CTXND1: variants seen among roughly 807,000 people sequenced by gnomAD.
CTXND1 encodes cortexin domain-containing 1 protein.
chr15:80,229,201 A>C (rs1893403144), intron 1 of CTXND1, among the ~76,000 whole-genome samples: 1 of 151,670 alleles, frequency 6.6e-6, no homozygotes, highest in South Asian at 2.1e-4. Flanking sequence ...CTTTCCCACA[A>C]CCCTCCCGCC....
intron 1 of CTXND1, among the ~76,000 whole-genome samples, chr15:80,249,976 T>G (rs549169805): frequency 2.0e-5 from 3 of 152,232 alleles, no homozygotes; most frequent in African/African-American, 7.2e-5. Flanking sequence ...AGCATTAACC[T>G]CAGTCTAGGA....
chr15:80,222,824 T>A (rs1050089297), intron 1 of CTXND1, among the ~76,000 whole-genome samples: 2 of 149,388 alleles, frequency 1.3e-5, no homozygotes. Context: ...CTTGAGTGTG[T>A]TTTTCTTTTA....
At position 80,201,521 on chromosome 15, in the gene CTXND1, C is replaced by G. The variant is rs1383331024; in HGVS notation, c.*249G>C. 1 of 355,000 alleles carries G rather than the reference C, an allele frequency of 2.8e-6. No homozygotes were observed. The highest frequency in any genetic ancestry group is 2.1e-5 in the African/African-American group (1 of 47,848). The allele number at this position is 355,000 out of a possible 1,614,324, so 22.0% of individuals were successfully genotyped here. On this transcript the variant is annotated 3_prime_UTR_variant, in exon 3 of 3. Coordinates refer to ENST00000560778, the MANE Select transcript of CTXND1 (RefSeq NM_001352888.2). ...GGGACTCCCCACACTGGAACCCCAG[C>G]CTCCTGGGTCCTGGTCCAGGGCTCT...
At chr15:80,202,813 T>G (rs1181279391) in intron 2 of CTXND1, among the ~76,000 whole-genome samples, 1 of 151,862 alleles carries the variant, frequency 6.6e-6, no homozygotes, top group African/African-American at 2.4e-5. Context: ...CTGAAAACTG[T>G]AAGTGTTATG....
intron 1 of CTXND1, among the ~76,000 whole-genome samples, chr15:80,204,647 G>GTATATATATATATATTTATATATATATA (rs1893127813): frequency 7.6e-6 from 1 of 131,342 alleles, no homozygotes; most frequent in African/African-American, 2.9e-5. Context: ...ATATTCCATT[G>GTATATATATATATATTTATATATATATA]TATATATATA....
chr15:80,229,839 A>T (rs1302724662), intron 1 of CTXND1, among the ~76,000 whole-genome samples: 2 of 152,176 alleles, frequency 1.3e-5, no homozygotes. Context: ...TGGAGTTCTT[A>T]AAAAATCCCT....
intron 1 of CTXND1, among the ~76,000 whole-genome samples, chr15:80,219,091 C>A (rs2142128916): frequency 6.7e-6 from 1 of 149,728 alleles, no homozygotes; most frequent in Admixed American, 6.7e-5. Context: ...ACTACCACTC[C>A]CAGCTAATTT....
At chr15:80,231,604 G>C (rs1003096332) in intron 1 of CTXND1, among the ~76,000 whole-genome samples, 1 of 152,026 alleles carries the variant, frequency 6.6e-6, no homozygotes, top group African/African-American at 2.4e-5. Context: ...GGCTTGCAAG[G>C]CTATTATTCT....
chr15:80,213,126 T>C (rs1054058744), intron 1 of CTXND1, among the ~76,000 whole-genome samples: 1 of 152,252 alleles, frequency 6.6e-6, no homozygotes, highest in Non-Finnish European at 1.5e-5. Context: ...ATAACTTGTC[T>C]TCCAGGTCCA....
Position 80,210,347 on chromosome 15 carries a change from A to G in CTXND1, c.-217-6607T>C, listed in dbSNP as rs182006735. ...TTGGTACTCATTAAATATTTTCCCCAAAATGTAAGACTCTTTCCACCTTCA... is the reference window on the plus strand; with the variant it reads ...TTGGTACTCATTAAATATTTTCCCCGAAATGTAAGACTCTTTCCACCTTCA... On this transcript the variant is annotated intron_variant, in intron 1 of 2. Transcript: ENST00000560778. Among the ~76,000 whole-genome samples the G allele has an allele frequency of 4.8e-3, 738 of 152,332 alleles. 2 individuals carry two copies. The highest frequency in any genetic ancestry group is 7.8e-3 in the Non-Finnish European group (531 of 68,034).
intron 1 of CTXND1, among the ~76,000 whole-genome samples, chr15:80,228,636 C>CT (rs58443773): frequency 7.1e-6 from 1 of 139,912 alleles, no homozygotes. Flanking sequence ...AAATCTGAAA[C>CT]TTTTTTTTTT....
rs1295559163 is a variant in CTXND1 at position 80,201,431 on chromosome 15, G to A, written c.*339C>T. 4 of 206,404 alleles carry A rather than the reference G, an allele frequency of 1.9e-5. No homozygotes were observed. In the East Asian group the frequency reaches 4.1e-4, roughly 21 times the overall value. The allele number at this position is 206,404 out of a possible 1,614,324, so 12.8% of individuals were successfully genotyped here. On this transcript the variant is annotated 3_prime_UTR_variant, in exon 3 of 3. Transcript: ENST00000560778. ...GTTATGTGATGGATGGGGGGTGTCT[G>A]TTGCTGGATCCAGTTCCAAAAGGTG...
At position 80,202,032 on chromosome 15, in the gene CTXND1, G is replaced by A. The variant is rs2041452743; in HGVS notation, c.-65-18C>T. 1 of 398,286 alleles carries A rather than the reference G, an allele frequency of 2.5e-6. No homozygotes were observed. The highest frequency in any genetic ancestry group is 4.4e-6 in the Non-Finnish European group (1 of 226,114). 24.7% of individuals were successfully genotyped at this position (398,286 alleles called of 1,614,324 possible). A position where few individuals can be genotyped will look rare whatever the true frequency, so the allele number is the denominator to read the frequency against. On this transcript the variant is annotated intron_variant, in intron 2 of 2. Transcript: ENST00000560778. ...TTCCACCCCTGCAGAGACAGCCACA[G>A]CAGTGGGGAAGGAGGGGCATGGTCA...
Position 80,247,224 on chromosome 15 carries a change from G to A in CTXND1, c.-218+4783C>T, listed in dbSNP as rs59926988. Among the ~76,000 whole-genome samples the A allele has an allele frequency of 5.6e-3, 846 of 152,254 alleles. 10 individuals are homozygous for A. The highest frequency in any genetic ancestry group is 0.019 in the African/African-American group (784 of 41,548). ...AATTTGTGAATCCAACTGCTAAGGT[G>A]TTGATGACTAGATCTCTCCCTTCCC... On this transcript the variant is annotated intron_variant, in intron 1 of 2. Transcript: ENST00000560778.
intron 1 of CTXND1, among the ~76,000 whole-genome samples, chr15:80,209,648 G>A (rs572927933): frequency 6.6e-6 from 1 of 152,206 alleles, no homozygotes; most frequent in Non-Finnish European, 1.5e-5. Context: ...AAAGCCATAG[G>A]ACACGATGAA....
chr15:80,251,181 G>T (rs778313856), intron 1 of CTXND1, among the ~76,000 whole-genome samples: 6 of 152,174 alleles, frequency 3.9e-5, no homozygotes, highest in Non-Finnish European at 7.3e-5. Context: ...TGCACGCCTG[G>T]TGAGGCGGTG....
At chr15:80,218,418 T>C (rs1485899571) in intron 1 of CTXND1, among the ~76,000 whole-genome samples, 1 of 152,198 alleles carries the variant, frequency 6.6e-6, no homozygotes, top group African/African-American at 2.4e-5. Context: ...GGATTACAGG[T>C]GTGAGCCACC....
chr15:80,246,080 C>G (rs1893625111), intron 1 of CTXND1, among the ~76,000 whole-genome samples: 1 of 152,112 alleles, frequency 6.6e-6, no homozygotes, highest in African/African-American at 2.4e-5. Context: ...AAATTTCCAC[C>G]TAGCACATCT....
Position 80,201,966 on chromosome 15 carries a change from C to T in CTXND1, c.-17G>A, listed in dbSNP as rs1399553902. 2 of 398,856 alleles carry T rather than the reference C, an allele frequency of 5.0e-6. No homozygotes were observed. Among genetic ancestry groups the T allele is most frequent in the African/African-American group, 2.1e-5 (1 of 48,664 alleles). The allele number at this position is 398,856 out of a possible 1,614,324, so 24.7% of individuals were successfully genotyped here. On this transcript the variant is annotated 5_prime_UTR_variant, in exon 3 of 3. Transcript: ENST00000560778. ...CTCCTCCATCTCGCGGCAGCGACTG[C>T]GGGCTGCTCCTCCTCCGCCTCGGGT...
Sources: gnomAD v4.1 joint callset for allele counts (sites outside exome capture counted in the v4.1 genomes callset) on GRCh38, gnomAD v4.1.1 for gene constraint, MANE v1.5 for transcripts, NCBI Gene and HGNC (gene_info 2026-07-23, HGNC 2026-07-21) for gene names.